The following TAF5L variants were observed in gnomAD, a reference collection of about 807,000 sequenced individuals.
TAF5L encodes TATA-box binding protein associated factor 5 like, also known as TAF5-like RNA polymerase II p300/CBP-associated factor-associated factor 65 kDa subunit 5L.
TAF5L carries 7 observed loss-of-function variants against 51.3 expected under a neutral mutation model. The ratio of observed to expected loss-of-function variants is 0.14; its 90% CI spans 0.08 to 0.26. The LOEUF (loss-of-function observed/expected upper bound fraction) is 0.26, where lower values mean the gene tolerates loss of function less well. Among genes scored for constraint, TAF5L ranks in the 10% least tolerant of loss-of-function variants. The pLI, the probability that TAF5L is intolerant of heterozygous loss-of-function variation, is 1.00. For missense variants in TAF5L, 575 were observed against 758.9 expected (o/e 0.76, Z 2.85); for synonymous variants, 291 against 308.1 (o/e 0.94, Z 0.58).
chr1:229,614,425 G>A, exon 2 of TAF5L: 1 of 1,614,158 alleles, frequency 6.2e-7, no homozygotes, highest in Non-Finnish European at 8.5e-7. Flanking sequence ...ACGTACTGCC[G>A]GCGTTTGAGG....
At chr1:229,623,774 CA>C (rs1051865354) in intron 1 of TAF5L, among the ~76,000 whole-genome samples, 1 of 152,342 alleles carries the variant, frequency 6.6e-6, no homozygotes, top group African/African-American at 2.4e-5. Context: ...TAACGTTCTT[CA>C]GATGGGAAAG....
At chr1:229,609,067 G>A (rs1664701290) in intron 3 of TAF5L, among the ~76,000 whole-genome samples, 1 of 152,172 alleles carries the variant, frequency 6.6e-6, no homozygotes, top group African/African-American at 2.4e-5. Context: ...CGTTCAGCCT[G>A]TATTTATGTT....
chr1:229,615,333 C>G (rs544197355), intron 1 of TAF5L, among the ~76,000 whole-genome samples: 2 of 152,084 alleles, frequency 1.3e-5, no homozygotes, highest in African/African-American at 4.8e-5. Context: ...GTGATCTGCC[C>G]GGCTTGGCCT....
At chr1:229,609,847 G>A (rs950284823) in intron 3 of TAF5L, among the ~76,000 whole-genome samples, 3 of 152,138 alleles carry the variant, frequency 2.0e-5, no homozygotes, top group South Asian at 2.1e-4. Context: ...CTTAAACCTC[G>A]TGATTGAACT....
intron 3 of TAF5L, among the ~76,000 whole-genome samples, chr1:229,604,781 AACC>A (rs1459486366): frequency 6.6e-6 from 1 of 152,152 alleles, no homozygotes; most frequent in Non-Finnish European, 1.5e-5. Flanking sequence ...GAATACCAGC[AACC>A]ACCATGTGAC....
intron 4 of TAF5L, among the ~76,000 whole-genome samples, chr1:229,596,558 C>T (rs930828713): frequency 2.6e-5 from 4 of 152,122 alleles, no homozygotes; most frequent in African/African-American, 4.8e-5. Context: ...CAAAGCCAAG[C>T]GATTCATGTG....
chr1:229,618,450 A>G (rs1415840255), intron 1 of TAF5L, among the ~76,000 whole-genome samples: 4 of 152,198 alleles, frequency 2.6e-5, no homozygotes, highest in Non-Finnish European at 5.9e-5. Flanking sequence ...TCATGTATCA[A>G]CAGTTGCCAG....
Position 229,602,575 on chromosome 1 carries a change from C to T in TAF5L, c.592G>A (p.Asp198Asn). The change falls in exon 4 of 5, where the codon GAC becomes AAC. Residue 198 changes from aspartate (D) to asparagine (N), a missense_variant. Coordinates refer to ENST00000258281, the Ensembl canonical transcript of TAF5L. The surrounding 1 kb of genome is among the most constrained non-coding windows in gnomAD (Gnocchi z 4.6). ...TCTGTTCTCTTGGCAGGCTGCACGT[C>T]AAGATGAATATGTAAGGTGAGGACT... 1.2e-6 allele frequency: 2 copies of T among 1,614,190 alleles called. No individual in the cohort carries two copies. The highest frequency in any genetic ancestry group is 1.7e-6 in the Non-Finnish European group (2 of 1,180,050).
chr1:229,622,025 CTATCT>C (rs1558155970), intron 1 of TAF5L, among the ~76,000 whole-genome samples: 1 of 23,764 alleles, frequency 4.2e-5, no homozygotes, highest in Non-Finnish European at 9.5e-5. Context: ...CATCATCTAT[CTATCT>C]ATCTATCTAT....
chr1:229,618,826 A>G (rs575417918), intron 1 of TAF5L, among the ~76,000 whole-genome samples: 103 of 151,902 alleles, frequency 6.8e-4, no homozygotes, highest in African/African-American at 2.4e-3. Flanking sequence ...CCACCATATC[A>G]CAGGTTAAAG....
intron 1 of TAF5L, among the ~76,000 whole-genome samples, chr1:229,617,941 T>C (rs1665067369): frequency 6.6e-6 from 1 of 152,158 alleles, no homozygotes; most frequent in Non-Finnish European, 1.5e-5. Flanking sequence ...AGGGCAGGAA[T>C]TCTGGCAATG....
At position 229,594,210 on chromosome 1, in the gene TAF5L, A is replaced by G. The variant is rs1664026797; in HGVS notation, c.*87T>C. ...AGAGGGGAGGAGGGGGCTCTTTCAC[A>G]GTCAATGATTCAATCTCAGCTCATT... On this transcript the variant is annotated 3_prime_UTR_variant, in exon 5 of 5. Transcript: ENST00000258281. The surrounding 1 kb of genome is among the most constrained non-coding windows in gnomAD (Gnocchi z 7.9). 1.4e-6 allele frequency: 2 copies of G among 1,392,886 alleles called. No individual in the cohort carries two copies. The highest frequency in any genetic ancestry group is 1.4e-5 in the South Asian group (1 of 70,674). The allele number at this position is 1,392,886 out of a possible 1,614,324, so 86.3% of individuals were successfully genotyped here.
At chr1:229,609,990 A>T in intron 3 of TAF5L, 116 bp downstream of exon 3, 6 of 786,372 alleles carry the variant, frequency 7.6e-6, no homozygotes, top group Admixed American at 5.8e-5. Flanking sequence ...CTATTTTTTA[A>T]TTTTTCTTTT....
rs770353199 is a variant in TAF5L, at chr1:229,602,221, A to C, written c.946T>G (p.Leu316Val). ...TCCTCCTCCAGAATATCACAAGCCA[A>C]ATGGATGCGGGACACGTCTACTTGG... is the stretch of plus-strand genomic sequence containing the variant. Residue 316 changes from leucine to valine, a missense_variant, in exon 4 of 5, where the codon TTG (leucine) becomes GTG (valine). By Grantham distance (32) the Leu-to-Val change is conservative. Around this residue, in one of 3 missense-constraint regions of TAF5L, gnomAD observed 380 missense variants for 443.7 expected, o/e 0.86. Coordinates refer to ENST00000258281, the Ensembl canonical transcript of TAF5L. The surrounding 1 kb of genome is among the most constrained non-coding windows in gnomAD (Gnocchi z 4.6). The C allele has an allele frequency of 1.9e-6, 3 of 1,613,960 alleles. No homozygotes were observed. Among genetic ancestry groups the C allele is most frequent in the Middle Eastern group, 1.7e-4 (1 of 6,060 alleles).
chr1:229,600,275 C>T lies in TAF5L; in HGVS notation c.972+1920G>A, dbSNP rs928503468. 7 of 985,070 alleles carry T rather than the reference C, an allele frequency of 7.1e-6. No homozygotes were observed. In the African/African-American group the frequency reaches 1.2e-4, roughly 17 times the overall value. 61.0% of individuals were successfully genotyped at this position (985,070 alleles called of 1,614,324 possible). A position where few individuals can be genotyped will look rare whatever the true frequency, so the allele number is the denominator to read the frequency against. ...GGCGGGCATGCAGGAAGCCCCTCAA[C>T]AACAGAATAGGAGAATCTCAGCTTT... On this transcript the variant is annotated intron_variant, in intron 4 of 4. Transcript: ENST00000258281.
intron 1 of TAF5L, among the ~76,000 whole-genome samples, chr1:229,615,796 T>C (rs1462072409): frequency 6.6e-6 from 1 of 152,192 alleles, no homozygotes; most frequent in Admixed American, 6.5e-5. Context: ...AAAACATACT[T>C]TCCCCTCCAG....
At chr1:229,598,468 C>T (rs1558144202) in intron 4 of TAF5L, among the ~76,000 whole-genome samples, 1 of 151,962 alleles carries the variant, frequency 6.6e-6, no homozygotes. Flanking sequence ...TAAAGAAGAC[C>T]AGATTGGGGG....
chr1:229,607,435 A>T (rs1036415492), intron 3 of TAF5L: 24 of 985,322 alleles, frequency 2.4e-5, no homozygotes, highest in Non-Finnish European at 2.8e-5. Flanking sequence ...ACAAAGCCTT[A>T]GTTGTTCCTG....
In TAF5L at chr1:229,593,434, CTTTCT is replaced by C. The variant is rs1228493413; in HGVS notation, c.*858_*862del. ...ACTCCAAATTATTCTTTATCATAAT[CTTTCT>C]TTTGAGGGGAGAGAATTATTAAGAG... is the stretch of plus-strand genomic sequence containing the variant. On this transcript the variant is annotated 3_prime_UTR_variant, in exon 5 of 5. Coordinates refer to ENST00000258281, the Ensembl canonical transcript of TAF5L. 3.3e-5 allele frequency: 5 copies of C among 152,210 alleles called. No individual in the cohort carries two copies. The East Asian group carries it at 7.7e-4, about 24-fold the overall frequency. The allele number at this position is 152,210 out of a possible 1,614,324, so 9.4% of individuals were successfully genotyped here.
Sources: allele counts gnomAD v4.1 joint callset (sites outside exome capture counted in the v4.1 genomes callset), GRCh38; gene constraint gnomAD v4.1.1; regional missense constraint gnomAD v4.1.1; non-coding constraint Gnocchi (gnomAD v3.1); transcripts MANE v1.5; gene names NCBI Gene and HGNC (gene_info 2026-07-23, HGNC 2026-07-21).